Variants in DGKH observed in about 807,000 individuals in gnomAD.
The protein encoded by DGKH is diacylglycerol kinase eta.
A neutral mutation model predicts 159.3 loss-of-function variants in DGKH; 90 were observed. The observed-to-expected ratio is 0.57, with a 90% CI of 0.48 to 0.67. The LOEUF (loss-of-function observed/expected upper bound fraction) is 0.67. Ranked by LOEUF, DGKH falls within the 30% of genes least tolerant of loss-of-function variation. The pLI is 0.00. For synonymous variants in DGKH, 536 were observed against 553.8 expected, an observed-to-expected ratio of 0.97 and a Z score of 0.45; for missense variants, 1,181 against 1,506.1, an observed-to-expected ratio of 0.78 and a Z score of 3.57.
upstream of DGKH, among the ~76,000 whole-genome samples, chr13:42,047,370 G>C (rs969951964): frequency 6.6e-6 from 1 of 152,108 alleles, no homozygotes; most frequent in African/African-American, 2.4e-5. Context: ...AACCTTAAAG[G>C]TCATGTCAAC....
chr13:42,067,998 CAATT>C lies in DGKH; in HGVS notation c.192+19036_192+19039del, dbSNP rs564953466. On this transcript the variant is annotated intron_variant, in intron 1 of 29. Coordinates refer to ENST00000337343, the MANE Select transcript of DGKH (RefSeq NM_178009.5). ...ATTCATTTTTTTAAAAAAATAAACA[CAATT>C]AAGACTTCTAGAGCATTTTATAATA... Among the ~76,000 whole-genome samples the C allele has an allele frequency of 1.8e-4, 27 of 152,142 alleles. No individual in the cohort carries two copies. In the East Asian group the frequency reaches 5.0e-3, roughly 28 times the overall value.
intron 1 of DGKH, among the ~76,000 whole-genome samples, chr13:42,073,536 A>C (rs904112760): frequency 2.0e-5 from 3 of 152,194 alleles, no homozygotes; most frequent in Non-Finnish European, 4.4e-5. Flanking sequence ...ACTGTATTAT[A>C]AAATAGGCTT....
At chr13:42,112,956 C>T (rs1435545730) in intron 1 of DGKH, among the ~76,000 whole-genome samples, 3 of 152,170 alleles carry the variant, frequency 2.0e-5, no homozygotes, top group Non-Finnish European at 2.9e-5. Context: ...CTTATTCCCT[C>T]GTTGGAGGTC....
chr13:42,109,667 TGTGC>T (rs1954824514), intron 1 of DGKH, among the ~76,000 whole-genome samples: 3 of 148,296 alleles, frequency 2.0e-5, no homozygotes, highest in African/African-American at 5.1e-5. Flanking sequence ...CGTGCGTGTG[TGTGC>T]GTGTGTGTGT....
intron 1 of DGKH, among the ~76,000 whole-genome samples, chr13:42,098,116 C>T (rs918842251): frequency 6.6e-6 from 1 of 152,110 alleles, no homozygotes; most frequent in Non-Finnish European, 1.5e-5. Context: ...TAAAAGCCTA[C>T]ACTCATTAAG....
At chr13:42,055,402 CCTTT>C (rs779786278) in intron 1 of DGKH, among the ~76,000 whole-genome samples, 3 of 152,150 alleles carry the variant, frequency 2.0e-5, no homozygotes, top group East Asian at 1.9e-4. Flanking sequence ...TGGTATAACA[CCTTT>C]CTTTCCATTT....
intron 1 of DGKH, among the ~76,000 whole-genome samples, chr13:42,089,818 C>T (rs1413206629): frequency 6.6e-6 from 1 of 152,068 alleles, no homozygotes; most frequent in African/African-American, 2.4e-5. Flanking sequence ...GTAAAGTATG[C>T]CCAGGTTCTG....
intron 1 of DGKH, among the ~76,000 whole-genome samples, chr13:42,114,239 T>G (rs1954922917): frequency 1.3e-5 from 2 of 151,916 alleles, no homozygotes; most frequent in Admixed American, 6.6e-5. Context: ...AATTTGCAAG[T>G]GAGGAGATGA....
chr13:42,221,620 A>G (rs1957975770), intron 29 of DGKH, among the ~76,000 whole-genome samples: 1 of 152,184 alleles, frequency 6.6e-6, no homozygotes, highest in Non-Finnish European at 1.5e-5. Flanking sequence ...CTTAGCATGA[A>G]CTTAGTAATT....
At chr13:42,154,160 T>C (rs1364598864) in intron 3 of DGKH, among the ~76,000 whole-genome samples, 1 of 152,244 alleles carries the variant, frequency 6.6e-6, no homozygotes, top group Non-Finnish European at 1.5e-5. Context: ...TTTCATTACT[T>C]GTGAAATCTG....
rs754021769 is a variant in DGKH at position 42,155,287 on chromosome 13, T to A, written c.385-4T>A. ...CAATCATTAGATTGAATTATCCCTT[T>A]CAGATCATCACTCCATTCAGAAGGC... On this transcript the variant is annotated splice_polypyrimidine_tract_variant and splice_region_variant and intron_variant, in intron 3 of 29. Coordinates refer to ENST00000337343, the MANE Select transcript of DGKH (RefSeq NM_178009.5). 5.7e-6 allele frequency: 9 copies of A among 1,587,076 alleles called. No individual in the cohort carries two copies. In the East Asian group the frequency reaches 2.0e-4, roughly 36 times the overall value.
chr13:42,227,581 T>C (rs1958166571), intron 29 of DGKH, among the ~76,000 whole-genome samples: 2 of 152,360 alleles, frequency 1.3e-5, no homozygotes, highest in South Asian at 4.1e-4. Flanking sequence ...GGATTTGGCC[T>C]TGCTTTTAAG....
At chr13:42,061,402 T>C (rs763086675) in intron 1 of DGKH, among the ~76,000 whole-genome samples, 3 of 152,178 alleles carry the variant, frequency 2.0e-5, no homozygotes, top group African/African-American at 7.2e-5. Context: ...TAGAAAATGA[T>C]TTGGGGCTGC....
In DGKH at chr13:42,187,054, T is replaced by C. The variant is rs374157956; in HGVS notation, c.1544T>C (p.Leu515Pro). The C allele has an allele frequency of 1.5e-5, 24 of 1,613,736 alleles. No homozygotes were observed. Among genetic ancestry groups the C allele is most frequent in the Non-Finnish European group, 2.0e-5 (24 of 1,179,806 alleles). The change falls in exon 14 of 30, where the codon CTA becomes CCA. Residue 515 changes from leucine to proline, a missense_variant. Around this residue, in one of 5 missense-constraint regions of DGKH, gnomAD observed 369 missense variants for 519.4 expected, o/e 0.71. Coordinates refer to ENST00000337343, the MANE Select transcript of DGKH (RefSeq NM_178009.5). ...ACAACTTCTTTTCCTCAAAGGACGC[T>C]ATGTGAAACTGTAAAGGACTTCGTT... ...HAVVISSAKT[L>P]CETVKDFVAK...
At chr13:42,097,932 G>T (rs1206928209) in intron 1 of DGKH, among the ~76,000 whole-genome samples, 1 of 152,196 alleles carries the variant, frequency 6.6e-6, no homozygotes, top group South Asian at 2.1e-4. Flanking sequence ...GTTTGTTCAA[G>T]TGAGTTGATT....
intron 1 of DGKH, among the ~76,000 whole-genome samples, chr13:42,108,420 A>T (rs1043517241): frequency 2.0e-5 from 3 of 152,200 alleles, no homozygotes; most frequent in Admixed American, 6.5e-5. Context: ...TCATAGGAAG[A>T]GGAGCAGAAT....
At position 42,229,494 on chromosome 13, in the gene DGKH, A is replaced by G. The variant is rs1958234441; in HGVS notation, c.*306A>G. The G allele has an allele frequency of 4.1e-6, 1 of 246,586 alleles. No homozygotes were observed. Among genetic ancestry groups the G allele is most frequent in the Admixed American group, 5.7e-5 (1 of 17,662 alleles). The allele number at this position is 246,586 out of a possible 1,614,324, so 15.3% of individuals were successfully genotyped here. On this transcript the variant is annotated 3_prime_UTR_variant, in exon 30 of 30. Transcript: ENST00000337343. ...GCATTGTCTAAACAGTGGAATTGCAAAATGTTTACTTTCCATAGATCTGGT... is the reference window on the plus strand; with the variant it reads ...GCATTGTCTAAACAGTGGAATTGCAGAATGTTTACTTTCCATAGATCTGGT...
intron 1 of DGKH, among the ~76,000 whole-genome samples, chr13:42,080,959 T>C (rs1164428735): frequency 2.6e-5 from 4 of 152,170 alleles, no homozygotes; most frequent in Non-Finnish European, 5.9e-5. Context: ...GAGAAGTAAG[T>C]GACCTAGCCC....
At chr13:42,104,715 G>A (rs1954715377) in intron 1 of DGKH, among the ~76,000 whole-genome samples, 1 of 152,110 alleles carries the variant, frequency 6.6e-6, no homozygotes, top group African/African-American at 2.4e-5. Flanking sequence ...ACCATTAGCT[G>A]TTTCTCTCAC....
Sources: gnomAD v4.1 joint callset for allele counts (sites outside exome capture counted in the v4.1 genomes callset) on GRCh38, gnomAD v4.1.1 for gene constraint, gnomAD v4.1.1 regional missense constraint, MANE v1.5 for transcripts, NCBI Gene and HGNC (gene_info 2026-07-23, HGNC 2026-07-21) for gene names.